HAO1: variants seen among roughly 807,000 people sequenced by gnomAD.
The protein encoded by HAO1 is hydroxyacid oxidase 1, also known as 2-Hydroxyacid oxidase 1.
A neutral mutation model predicts 39.7 loss-of-function variants in HAO1; 34 were observed. The ratio of observed to expected loss-of-function variants is 0.86; its 90% CI spans 0.65 to 1.14. The LOEUF (loss-of-function observed/expected upper bound fraction) is 1.14. Among genes scored for constraint, HAO1 ranks in the 50% most tolerant of loss-of-function variants. The pLI is 0.00. For missense variants in HAO1, 479 were observed against 464.5 expected (o/e 1.03, Z -0.29); for synonymous variants, 172 against 173.2 (o/e 0.99, Z 0.05).
intron 5 of HAO1, among the ~76,000 whole-genome samples, chr20:7,890,586 G>C (rs967114631): frequency 3.3e-5 from 5 of 151,998 alleles, no homozygotes; most frequent in African/African-American, 7.2e-5. Flanking sequence ...GGGTACAGGT[G>C]GTATTTGGTT....
chr20:7,939,613 A>AT (rs2050431491), intron 1 of HAO1, among the ~76,000 whole-genome samples: 1 of 152,256 alleles, frequency 6.6e-6, no homozygotes, highest in African/African-American at 2.4e-5. Context: ...TGTAACTGCT[A>AT]TAAAAAAAAA....
At chr20:7,885,416 C>A in intron 7 of HAO1, 105 bp downstream of exon 7, 2 of 760,584 alleles carry the variant, frequency 2.6e-6, no homozygotes, top group South Asian at 1.6e-5. Context: ...TTAATGTACT[C>A]AAATGATCCC....
At chr20:7,913,089 T>G (rs12625244) in intron 3 of HAO1, among the ~76,000 whole-genome samples, 12,695 of 152,160 alleles carry the variant, frequency 0.083, 894 homozygotes, top group South Asian at 0.32. Flanking sequence ...TTTTAATATT[T>G]TAGAAGAGTA....
At chr20:7,917,530 A>G (rs962496647) in intron 2 of HAO1, among the ~76,000 whole-genome samples, 2 of 152,088 alleles carry the variant, frequency 1.3e-5, no homozygotes, top group Non-Finnish European at 2.9e-5. Flanking sequence ...ATTTCAGGGC[A>G]GTGACATCCA....
At chr20:7,896,101 C>T (rs1427653556) in intron 4 of HAO1, among the ~76,000 whole-genome samples, 3 of 151,398 alleles carry the variant, frequency 2.0e-5, no homozygotes, top group Non-Finnish European at 1.5e-5. Flanking sequence ...TTCTATGCTA[C>T]ATCTCTAATC....
rs377047575 is a variant in HAO1 at position 7,914,133 on chromosome 20, C to T, written c.545+31G>A. On this transcript the variant is annotated intron_variant, in intron 3 of 7. Coordinates refer to ENST00000378789, the MANE Select transcript of HAO1 (RefSeq NM_017545.3). Reference sequence around the variant, plus strand: ...CATTCCCAGTCAAGATCCCTTTCGCCTCAGCTCGGGGCCCACATGATCATG... The same window carrying T: ...CATTCCCAGTCAAGATCCCTTTCGCTTCAGCTCGGGGCCCACATGATCATG... 5.6e-6 allele frequency: 9 copies of T among 1,610,256 alleles called. No individual in the cohort carries two copies. In the African/African-American group the frequency reaches 8.0e-5, roughly 14 times the overall value.
chr20:7,903,290 CT>C (rs36037568), intron 4 of HAO1, among the ~76,000 whole-genome samples: 76,762 of 144,502 alleles, frequency 0.53, 21,157 homozygotes, highest in Non-Finnish European at 0.65. Flanking sequence ...CTCTCCTTAT[CT>C]TTTTTTTTTT....
chr20:7,902,140 A>G (rs2050223867), intron 4 of HAO1, among the ~76,000 whole-genome samples: 1 of 152,368 alleles, frequency 6.6e-6, no homozygotes, highest in South Asian at 2.1e-4. Flanking sequence ...GATTTAGAAT[A>G]TTACACAAAC....
At chr20:7,906,757 A>G (rs750821712) in intron 3 of HAO1, among the ~76,000 whole-genome samples, 8 of 152,148 alleles carry the variant, frequency 5.3e-5, no homozygotes, top group Non-Finnish European at 1.2e-4. Context: ...AATTATCACA[A>G]TTTTTCTTTA....
intron 2 of HAO1, among the ~76,000 whole-genome samples, chr20:7,919,127 G>T (rs976309811): frequency 6.6e-6 from 1 of 152,148 alleles, no homozygotes; most frequent in Non-Finnish European, 1.5e-5. Context: ...TGCCTAGAAT[G>T]AAGTTCCCTA....
At chr20:7,927,525 G>A (rs189917099) in intron 2 of HAO1, among the ~76,000 whole-genome samples, 50 of 152,080 alleles carry the variant, frequency 3.3e-4, no homozygotes, top group African/African-American at 1.0e-3. Context: ...TTTTTTATTC[G>A]TAACACAGTG....
intron 2 of HAO1, among the ~76,000 whole-genome samples, chr20:7,920,503 A>G (rs149116198): frequency 5.9e-4 from 90 of 152,286 alleles, no homozygotes; most frequent in African/African-American, 2.0e-3. Context: ...ATGCAGTACA[A>G]TAGATCACTA....
intron 4 of HAO1, among the ~76,000 whole-genome samples, chr20:7,904,078 T>C (rs2050236597): frequency 6.6e-6 from 1 of 152,160 alleles, no homozygotes; most frequent in South Asian, 2.1e-4. Flanking sequence ...AAAAATAAAA[T>C]GACCTCCTTC....
intron 2 of HAO1, among the ~76,000 whole-genome samples, chr20:7,917,739 G>A (rs1367512896): frequency 6.6e-6 from 1 of 152,136 alleles, no homozygotes; most frequent in Non-Finnish European, 1.5e-5. Context: ...TCAAGCAGCA[G>A]CTCTGCCAAT....
chr20:7,935,971 T>C (rs1014006185), intron 1 of HAO1, among the ~76,000 whole-genome samples: 2 of 143,740 alleles, frequency 1.4e-5, no homozygotes, highest in African/African-American at 5.0e-5. Flanking sequence ...TTAGTAAATA[T>C]AGTGAAGTAT....
chr20:7,906,485 T>A (rs2050248846), intron 3 of HAO1, among the ~76,000 whole-genome samples, 156 bp from the exon 4 acceptor site: 1 of 152,242 alleles, frequency 6.6e-6, no homozygotes, highest in African/African-American at 2.4e-5. Context: ...CATATTTTGA[T>A]GTAGGACTCT....
chr20:7,900,049 G>T (rs956821951), intron 4 of HAO1, among the ~76,000 whole-genome samples: 6 of 152,116 alleles, frequency 3.9e-5, no homozygotes, highest in Admixed American at 3.3e-4. Flanking sequence ...TGGAGCTTTT[G>T]GCCTAGGAAT....
At chr20:7,903,496 G>A (rs559953334) in intron 4 of HAO1, among the ~76,000 whole-genome samples, 1 of 151,686 alleles carries the variant, frequency 6.6e-6, no homozygotes, top group East Asian at 1.9e-4. Flanking sequence ...GTGGTGATAG[G>A]AGTGGTGGAG....
intron 5 of HAO1, 32 bp downstream of exon 5, chr20:7,895,101 A>G (rs1464252226): frequency 7.2e-7 from 1 of 1,393,398 alleles, no homozygotes; most frequent in Admixed American, 1.7e-5. Flanking sequence ...TGGGAACTCC[A>G]AAAGGAAATC....
Sources: gnomAD v4.1 joint callset for allele counts (sites outside exome capture counted in the v4.1 genomes callset) on GRCh38, gnomAD v4.1.1 for gene constraint, MANE v1.5 for transcripts, NCBI Gene and HGNC (gene_info 2026-07-23, HGNC 2026-07-21) for gene names.